The following KCNK12 variants were observed in gnomAD, a reference collection of about 807,000 sequenced individuals.
KCNK12 encodes the protein potassium two pore domain channel subfamily K member 12, also known as potassium channel subfamily K member 12.
Under a neutral mutation model 25.3 loss-of-function variants are expected in KCNK12, and 6 were observed. The ratio of observed to expected loss-of-function variants is 0.24; its 90% CI spans 0.13 to 0.47. KCNK12 has a LOEUF of 0.47. Ranked by LOEUF, KCNK12 falls within the 20% of genes least tolerant of loss-of-function variation. The probability of loss-of-function intolerance (pLI) is 0.99; values close to 1 mark genes in which losing one functional copy is unlikely to be tolerated. For synonymous variants in KCNK12, 331 were observed against 311.1 expected, an observed-to-expected ratio of 1.06 and a Z score of -0.67; for missense variants, 444 against 661.7, an observed-to-expected ratio of 0.67 and a Z score of 3.61.
chr2:47,562,555 G>A lies in KCNK12; in HGVS notation c.391+7386C>T. On this transcript the variant is annotated intron_variant, in intron 1 of 1. Transcript: ENST00000327876. This position sits in a 1 kb window ranked among gnomAD's most constrained non-coding sequence, Gnocchi z 4.8. Reference sequence around the variant, plus strand: ...GGAGCATTCTCCACCACAGCCAGTGGCCACTTGGAGAGGGGACCTAGAGTC... The same window carrying A: ...GGAGCATTCTCCACCACAGCCAGTGACCACTTGGAGAGGGGACCTAGAGTC... 1 of 234,686 alleles carries A rather than the reference G, an allele frequency of 4.3e-6. No homozygotes were observed. Among genetic ancestry groups the A allele is most frequent in the Non-Finnish European group, 8.4e-6 (1 of 119,116 alleles). 14.5% of individuals were successfully genotyped at this position (234,686 alleles called of 1,614,324 possible). A position where few individuals can be genotyped will look rare whatever the true frequency, so the allele number is the denominator to read the frequency against.
Position 47,562,435 on chromosome 2 carries a change from C to T in KCNK12, c.391+7506G>A. Reference sequence around the variant, plus strand: ...AATTTTTCTAAGGGCCCAGGCACACCAGTTACCACTGACCTGCTAGTAAGC... The same window carrying T: ...AATTTTTCTAAGGGCCCAGGCACACTAGTTACCACTGACCTGCTAGTAAGC... On this transcript the variant is annotated intron_variant, in intron 1 of 1. Transcript: ENST00000327876. This position sits in a 1 kb window ranked among gnomAD's most constrained non-coding sequence, Gnocchi z 4.8. 1 of 280,958 alleles carries T rather than the reference C, an allele frequency of 3.6e-6. No individual in the cohort carries two copies. Among genetic ancestry groups the T allele is most frequent in the East Asian group, 5.2e-5 (1 of 19,142 alleles). The allele number at this position is 280,958 out of a possible 1,614,324, so 17.4% of individuals were successfully genotyped here. A position where few individuals can be genotyped will look rare whatever the true frequency, so the allele number is the denominator to read the frequency against.
chr2:47,561,268 G>A (rs915928381), intron 1 of KCNK12, among the ~76,000 whole-genome samples: 2 of 152,138 alleles, frequency 1.3e-5, no homozygotes, highest in Admixed American at 6.5e-5. Context: ...GGATGTCACT[G>A]GTCTAACTCA....
Position 47,562,010 on chromosome 2 carries a change from T to G in KCNK12, c.391+7931A>C. The G allele has an allele frequency of 2.5e-6, 1 of 398,580 alleles. No homozygotes were observed. Among genetic ancestry groups the G allele is most frequent in the Non-Finnish European group, 4.4e-6 (1 of 226,060 alleles). The allele number at this position is 398,580 out of a possible 1,614,324, so 24.7% of individuals were successfully genotyped here. On this transcript the variant is annotated intron_variant, in intron 1 of 1. Coordinates refer to ENST00000327876, the MANE Select transcript of KCNK12 (RefSeq NM_022055.2). This position sits in a 1 kb window ranked among gnomAD's most constrained non-coding sequence, Gnocchi z 4.8. ...GCACTGAATGGTGATATGTCCTGCC[T>G]AAAGCCACGCAGCCAGTTAGTGGCA...
rs1364926189 is a variant in KCNK12 at position 47,511,413 on chromosome 2, T to C, written c.*9494A>G. 6.6e-6 allele frequency among the ~76,000 whole-genome samples: 1 copy of C among 152,206 alleles called. No homozygotes were observed. The highest frequency in any genetic ancestry group is 2.4e-5 in the African/African-American group (1 of 41,444). On this transcript the variant is annotated 3_prime_UTR_variant, in exon 2 of 2. Transcript: ENST00000327876. This position sits in a 1 kb window ranked among gnomAD's most constrained non-coding sequence, Gnocchi z 4.3. Reference sequence around the variant, plus strand: ...GTGTGCCTGCGCCTGCATATATGTATTTGGACCAATGCTCTCATGTGTGCA... The same window carrying C: ...GTGTGCCTGCGCCTGCATATATGTACTTGGACCAATGCTCTCATGTGTGCA...
At position 47,570,470 on chromosome 2, in the gene KCNK12, C is replaced by T. The variant is rs946554018; in HGVS notation, c.-139G>A. The T allele has an allele frequency of 5.5e-6, 5 of 917,112 alleles. No homozygotes were observed. The Admixed American group carries it at 1.8e-4, about 34-fold the overall frequency. 56.8% of individuals were successfully genotyped at this position (917,112 alleles called of 1,614,324 possible). On this transcript the variant is annotated 5_prime_UTR_variant, in exon 1 of 2. Coordinates refer to ENST00000327876, the MANE Select transcript of KCNK12 (RefSeq NM_022055.2). Reference sequence around the variant, plus strand: ...GCCCCTCGCCGCCTTCGCAGAGCCCCTCGTCGCCTTCCCAGAGCCCGGACA... The same window carrying T: ...GCCCCTCGCCGCCTTCGCAGAGCCCTTCGTCGCCTTCCCAGAGCCCGGACA...
chr2:47,570,508 C>T lies in KCNK12; in HGVS notation c.-177G>A. 1.7e-6 allele frequency: 1 copy of T among 572,884 alleles called. No homozygotes were observed. The highest frequency in any genetic ancestry group is 2.5e-6 in the Non-Finnish European group (1 of 402,932). 35.5% of individuals were successfully genotyped at this position (572,884 alleles called of 1,614,324 possible). On this transcript the variant is annotated 5_prime_UTR_variant, in exon 1 of 2. Coordinates refer to ENST00000327876, the MANE Select transcript of KCNK12 (RefSeq NM_022055.2). ...CAGAGCCCGGACAGAGGGGCGCCTC[C>T]GCCTCCTCCCCGGCGCTCAGGCCAC...
chr2:47,532,164 A>G (rs1668946893), intron 1 of KCNK12, among the ~76,000 whole-genome samples: 1 of 151,596 alleles, frequency 6.6e-6, no homozygotes, highest in Non-Finnish European at 1.5e-5. Context: ...AACAGACAAC[A>G]TTGACTATCC....
rs199798604 is a variant in KCNK12, at chr2:47,533,243, TCAGGTG to T, written c.392-11441_392-11436del. Among the ~76,000 whole-genome samples, 757 of 138,948 alleles carry T rather than the reference TCAGGTG, an allele frequency of 5.4e-3. 5 individuals carry two copies. The highest frequency in any genetic ancestry group is 0.018 in the African/African-American group (655 of 36,338). The allele number at this position is 138,948 out of a possible 152,430, so 91.2% of individuals were successfully genotyped here. On this transcript the variant is annotated intron_variant, in intron 1 of 1. Transcript: ENST00000327876. This position sits in a 1 kb window ranked among gnomAD's most constrained non-coding sequence, Gnocchi z 4.7. The stretch of plus-strand genomic sequence containing the variant: ...CCAGGCTGGTCTCCAACTCCTGACC[TCAGGTG>T]ATCTGCCCACCTTGGCCTCCCAAAG...
In KCNK12 at chr2:47,521,163, G is replaced by A; in HGVS notation, c.1037C>T (p.Ala346Val). 2 of 1,293,598 alleles carry A rather than the reference G, an allele frequency of 1.5e-6. No homozygotes were observed. Among genetic ancestry groups the A allele is most frequent in the South Asian group, 2.8e-5 (1 of 35,624 alleles). The allele number at this position is 1,293,598 out of a possible 1,614,324, so 80.1% of individuals were successfully genotyped here. The change falls in exon 2 of 2, where the codon GCC becomes GTC. Residue 346 changes from alanine to valine, a missense_variant. Coordinates refer to ENST00000327876, the MANE Select transcript of KCNK12 (RefSeq NM_022055.2). ...TPGSRLRRRL[A>V]ALGADPAARD... ...GGCCGCGGGGTCGGCACCGAGCGCG[G>A]CCAGGCGGCGGCGCAGCCGGGAGCC...
chr2:47,523,676 G>A, intron 1 of KCNK12, among the ~76,000 whole-genome samples: 1 of 152,154 alleles, frequency 6.6e-6, no homozygotes, highest in Non-Finnish European at 1.5e-5. Context: ...GGGACCCGTG[G>A]TTGCCTGACT....
chr2:47,535,521 C>T (rs1414895777), intron 1 of KCNK12, among the ~76,000 whole-genome samples: 1 of 152,162 alleles, frequency 6.6e-6, no homozygotes, highest in Admixed American at 6.5e-5. Context: ...TCAGCTGCCA[C>T]ACACAGATGG....
chr2:47,554,730 T>A (rs1669515651), intron 1 of KCNK12, among the ~76,000 whole-genome samples: 2 of 152,220 alleles, frequency 1.3e-5, no homozygotes, highest in South Asian at 4.1e-4. Flanking sequence ...AAGATCTCTT[T>A]GGCTGTGTGT....
rs1421374084 is a variant in KCNK12 at position 47,557,901 on chromosome 2, G to A, written c.391+12040C>T. On this transcript the variant is annotated intron_variant, in intron 1 of 1. Coordinates refer to ENST00000327876, the MANE Select transcript of KCNK12 (RefSeq NM_022055.2). The surrounding 1 kb of genome is among the most constrained non-coding windows in gnomAD (Gnocchi z 4.9). The stretch of plus-strand genomic sequence containing the variant: ...GCAGTAAGGTGGACTTCATGCAGCT[G>A]CTGGGTTCCTGACATTGGTTACAAG... Among the ~76,000 whole-genome samples the A allele has an allele frequency of 6.6e-6, 1 of 152,230 alleles. No individual in the cohort carries two copies. Among genetic ancestry groups the A allele is most frequent in the African/African-American group, 2.4e-5 (1 of 41,468 alleles).
intron 1 of KCNK12, among the ~76,000 whole-genome samples, chr2:47,552,768 C>CA (rs372319464): frequency 3.3e-4 from 50 of 149,358 alleles, no homozygotes; most frequent in Admixed American, 5.3e-4. Context: ...ACTCTGGCTC[C>CA]AAAAAAAAGA....
Position 47,520,647 on chromosome 2 carries a change from G to A in KCNK12, c.*260C>T. 1 of 358,462 alleles carries A rather than the reference G, an allele frequency of 2.8e-6. No homozygotes were observed. The allele number at this position is 358,462 out of a possible 1,614,324, so 22.2% of individuals were successfully genotyped here. A position where few individuals can be genotyped will look rare whatever the true frequency, so the allele number is the denominator to read the frequency against. ...GTATGCCCTGGGTGTGGGCCTGGGGGGCCACGTTTTCTCTCCCTGAAGGAG... is the reference window on the plus strand; with the variant it reads ...GTATGCCCTGGGTGTGGGCCTGGGGAGCCACGTTTTCTCTCCCTGAAGGAG... On this transcript the variant is annotated 3_prime_UTR_variant, in exon 2 of 2. Coordinates refer to ENST00000327876, the MANE Select transcript of KCNK12 (RefSeq NM_022055.2). The surrounding 1 kb of genome is among the most constrained non-coding windows in gnomAD (Gnocchi z 5.0).
intron 1 of KCNK12, chr2:47,564,099 A>G (rs1029846333): frequency 3.5e-5 from 8 of 231,718 alleles, no homozygotes; most frequent in Non-Finnish European, 6.8e-5. Flanking sequence ...TGAAGATCCT[A>G]ACGCCACAGG....
intron 1 of KCNK12, among the ~76,000 whole-genome samples, chr2:47,534,432 G>GCC (rs11406660): frequency 0.01 from 1,232 of 117,342 alleles, 65 homozygotes; most frequent in African/African-American, 0.038. Context: ...CCGTCTCCAG[G>GCC]CCCCCCCCAC....
In KCNK12 at chr2:47,512,588, T is replaced by TA; in HGVS notation, c.*8318dup. 2.3e-6 allele frequency: 2 copies of TA among 862,998 alleles called. No homozygotes were observed. The highest frequency in any genetic ancestry group is 3.5e-6 in the Non-Finnish European group (2 of 577,556). The allele number at this position is 862,998 out of a possible 1,614,324, so 53.5% of individuals were successfully genotyped here. Reference sequence around the variant, plus strand: ...CTTTCTCTGCCCAGATTCCAGGACTTACAGTGAGAAAGCGCCTTCTGGGAA... The same window carrying TA: ...CTTTCTCTGCCCAGATTCCAGGACTTAACAGTGAGAAAGCGCCTTCTGGGAA... On this transcript the variant is annotated 3_prime_UTR_variant, in exon 2 of 2. Transcript: ENST00000327876.
rs192498482 is a variant in KCNK12 at position 47,509,340 on chromosome 2, G to C, written c.*11567C>G. Among the ~76,000 whole-genome samples, 34 of 152,358 alleles carry C rather than the reference G, an allele frequency of 2.2e-4. 1 individual carries two copies. The highest frequency in any genetic ancestry group is 6.7e-4 in the African/African-American group (28 of 41,574). On this transcript the variant is annotated 3_prime_UTR_variant, in exon 2 of 2. Coordinates refer to ENST00000327876, the MANE Select transcript of KCNK12 (RefSeq NM_022055.2). ...TTGCCAAACAGGAAACCTGATTCAG[G>C]CCAGGGTCTTGGAAGGTTGTTCAGG...
Sources: allele counts gnomAD v4.1 joint callset (sites outside exome capture counted in the v4.1 genomes callset), GRCh38; gene constraint gnomAD v4.1.1; non-coding constraint Gnocchi (gnomAD v3.1); transcripts MANE v1.5; gene names NCBI Gene and HGNC (gene_info 2026-07-23, HGNC 2026-07-21).